The following KIRREL3 variants were observed in gnomAD, a reference collection of about 807,000 sequenced individuals.
KIRREL3 encodes kirre like nephrin family adhesion molecule 3.
A neutral mutation model predicts 89.7 loss-of-function variants in KIRREL3; 36 were observed. The observed-to-expected ratio is 0.40, with a 90% CI of 0.31 to 0.53. The LOEUF is 0.53. Among genes scored for constraint, KIRREL3 ranks in the 20% least tolerant of loss-of-function variants. The probability of loss-of-function intolerance (pLI) is 0.49; values close to 1 mark genes in which losing one functional copy is unlikely to be tolerated. For missense variants in KIRREL3, 864 were observed against 1,056.6 expected, an observed-to-expected ratio of 0.82 and a Z score of 2.53; for synonymous variants, 445 against 441.4, an observed-to-expected ratio of 1.01 and a Z score of -0.10.
rs976250497 is a variant in KIRREL3, at chr11:126,615,402, A to G, written c.56-52490T>C. 2.6e-5 allele frequency among the ~76,000 whole-genome samples: 4 copies of G among 152,178 alleles called. No individual in the cohort carries two copies. The highest frequency in any genetic ancestry group is 2.9e-5 in the Non-Finnish European group (2 of 68,032). On this transcript the variant is annotated intron_variant, in intron 1 of 16. Coordinates refer to ENST00000525144, the MANE Select transcript of KIRREL3 (RefSeq NM_032531.4). The surrounding 1 kb of genome is among the most constrained non-coding windows in gnomAD (Gnocchi z 5.4). Reference sequence around the variant, plus strand: ...CTCTCCTAATGCTTTAGAAGTAAGTATATTTATTACCCCACTCTACAGTTA... The same window carrying G: ...CTCTCCTAATGCTTTAGAAGTAAGTGTATTTATTACCCCACTCTACAGTTA...
rs952458294 is a variant in KIRREL3 at position 126,768,624 on chromosome 11, G to A, written c.56-205712C>T. On this transcript the variant is annotated intron_variant, in intron 1 of 16. Coordinates refer to ENST00000525144, the MANE Select transcript of KIRREL3 (RefSeq NM_032531.4). The surrounding 1 kb of genome is among the most constrained non-coding windows in gnomAD (Gnocchi z 4.5). ...TACTTTGGATGGGGTAGTCAGGATG[G>A]ACTCTTGGAGGATGTGACCTTTGGG... Among the ~76,000 whole-genome samples the A allele has an allele frequency of 2.0e-5, 3 of 152,212 alleles. No individual in the cohort carries two copies. Among genetic ancestry groups the A allele is most frequent in the Non-Finnish European group, 2.9e-5 (2 of 68,040 alleles).
rs1957350596 is a variant in KIRREL3, at chr11:126,486,029, C to T, written c.434-12563G>A. On this transcript the variant is annotated intron_variant, in intron 4 of 16. Coordinates refer to ENST00000525144, the MANE Select transcript of KIRREL3 (RefSeq NM_032531.4). The surrounding 1 kb of genome is among the most constrained non-coding windows in gnomAD (Gnocchi z 6.2). ...TGTCCTGTTTATATTTGGTTAAACC[C>T]TGAAAGAGGGTCTGAGCATCTCAGG... Among the ~76,000 whole-genome samples, 1 of 152,168 alleles carries T rather than the reference C, an allele frequency of 6.6e-6. No individual in the cohort carries two copies. Among genetic ancestry groups the T allele is most frequent in the Non-Finnish European group, 1.5e-5 (1 of 68,018 alleles).
rs1940549431 is a variant in KIRREL3, at chr11:126,566,720, C to G, written c.56-3808G>C. 6.6e-6 allele frequency among the ~76,000 whole-genome samples: 1 copy of G among 152,188 alleles called. No individual in the cohort carries two copies. Among genetic ancestry groups the G allele is most frequent in the South Asian group, 2.1e-4 (1 of 4,830 alleles). On this transcript the variant is annotated intron_variant, in intron 1 of 16. Transcript: ENST00000525144. This position sits in a 1 kb window ranked among gnomAD's most constrained non-coding sequence, Gnocchi z 4.9. ...TCAGAGGGTGCAGATGGGATGTTTT[C>G]TAGCCTTAGAATTCCTTCATTCTTA...
rs1957637247 is a variant in KIRREL3, at chr11:126,495,687, A to G, written c.434-22221T>C. 6.6e-6 allele frequency among the ~76,000 whole-genome samples: 1 copy of G among 152,018 alleles called. No homozygotes were observed. The highest frequency in any genetic ancestry group is 1.5e-5 in the Non-Finnish European group (1 of 68,000). ...CTTATGGTCACAGTCAGGACCATGG[A>G]GGAGGAGGGGCACTCAGAGATTCAC... is the stretch of plus-strand genomic sequence containing the variant. On this transcript the variant is annotated intron_variant, in intron 4 of 16. Transcript: ENST00000525144. This position sits in a 1 kb window ranked among gnomAD's most constrained non-coding sequence, Gnocchi z 6.5.
Position 126,571,595 on chromosome 11 carries a change from T to C in KIRREL3, c.56-8683A>G, listed in dbSNP as rs1479324894. Among the ~76,000 whole-genome samples, 1 of 152,230 alleles carries C rather than the reference T, an allele frequency of 6.6e-6. No individual in the cohort carries two copies. The highest frequency in any genetic ancestry group is 2.4e-5 in the African/African-American group (1 of 41,468). Reference sequence around the variant, plus strand: ...CCTTCTTTATTCCTCATCAAAACTCTATAAGGTAAGTGCTGTTATTATTCC... The same window carrying C: ...CCTTCTTTATTCCTCATCAAAACTCCATAAGGTAAGTGCTGTTATTATTCC... On this transcript the variant is annotated intron_variant, in intron 1 of 16. Coordinates refer to ENST00000525144, the MANE Select transcript of KIRREL3 (RefSeq NM_032531.4). The surrounding 1 kb of genome is among the most constrained non-coding windows in gnomAD (Gnocchi z 7.7).
chr11:126,755,892 G>C lies in KIRREL3; in HGVS notation c.56-192980C>G, dbSNP rs1033279280. ...GAGAGAAAAAACAGAGAGAGAGAGAGAGAGAGAAGACTGAGCTGAGCACCC... is the reference window on the plus strand; with the variant it reads ...GAGAGAAAAAACAGAGAGAGAGAGACAGAGAGAAGACTGAGCTGAGCACCC... On this transcript the variant is annotated intron_variant, in intron 1 of 16. Transcript: ENST00000525144. This position sits in a 1 kb window ranked among gnomAD's most constrained non-coding sequence, Gnocchi z 4.3. 2.0e-5 allele frequency among the ~76,000 whole-genome samples: 3 copies of C among 151,900 alleles called. No homozygotes were observed. The highest frequency in any genetic ancestry group is 2.9e-5 in the Non-Finnish European group (2 of 68,014).
chr11:126,947,233 C>T (rs1948644791), intron 1 of KIRREL3, among the ~76,000 whole-genome samples: 1 of 152,168 alleles, frequency 6.6e-6, no homozygotes, highest in South Asian at 2.1e-4. Flanking sequence ...TTCTCATTTT[C>T]AATTGCCACC....
rs1477407774 is a variant in KIRREL3, at chr11:126,995,252, C to A, written c.55+5203G>T. Reference sequence around the variant, plus strand: ...GATGTCCGCTGGCCTCGAGGCAAGACAAGAGCTCCAATCACTCTGCTGCAA... The same window carrying A: ...GATGTCCGCTGGCCTCGAGGCAAGAAAAGAGCTCCAATCACTCTGCTGCAA... On this transcript the variant is annotated intron_variant, in intron 1 of 16. Transcript: ENST00000525144. This position sits in a 1 kb window ranked among gnomAD's most constrained non-coding sequence, Gnocchi z 6.5. 1 of 456,206 alleles carries A rather than the reference C, an allele frequency of 2.2e-6. No homozygotes were observed. The allele number at this position is 456,206 out of a possible 1,614,324, so 28.3% of individuals were successfully genotyped here.
At position 126,535,673 on chromosome 11, in the gene KIRREL3, C is replaced by T. The variant is rs1937798421; in HGVS notation, c.134-8986G>A. Among the ~76,000 whole-genome samples, 1 of 152,138 alleles carries T rather than the reference C, an allele frequency of 6.6e-6. No individual in the cohort carries two copies. Among genetic ancestry groups the T allele is most frequent in the Non-Finnish European group, 1.5e-5 (1 of 68,036 alleles). On this transcript the variant is annotated intron_variant, in intron 2 of 16. Transcript: ENST00000525144. The surrounding 1 kb of genome is among the most constrained non-coding windows in gnomAD (Gnocchi z 4.5). ...CAGCCAGACATTTGCTGCTTCTATTCCTTATCAAGCACTTAAGATTTTGGT... is the reference window on the plus strand; with the variant it reads ...CAGCCAGACATTTGCTGCTTCTATTTCTTATCAAGCACTTAAGATTTTGGT...
In KIRREL3 at chr11:126,797,349, G is replaced by C. The variant is rs74329181; in HGVS notation, c.55+203106C>G. Among the ~76,000 whole-genome samples the C allele has an allele frequency of 8.5e-5, 13 of 152,188 alleles. No homozygotes were observed. Among genetic ancestry groups the C allele is most frequent in the Admixed American group, 8.5e-4 (13 of 15,290 alleles). ...GCATCAAATGCATCTGATTCTCAGC[G>C]TAATATCTGGCACAGAGAAGCACTG... is the stretch of plus-strand genomic sequence containing the variant. On this transcript the variant is annotated intron_variant, in intron 1 of 16. Coordinates refer to ENST00000525144, the MANE Select transcript of KIRREL3 (RefSeq NM_032531.4). The surrounding 1 kb of genome is among the most constrained non-coding windows in gnomAD (Gnocchi z 4.9).
intron 1 of KIRREL3, among the ~76,000 whole-genome samples, chr11:126,809,249 G>C (rs777067964): frequency 1.3e-5 from 2 of 152,172 alleles, no homozygotes; most frequent in African/African-American, 2.4e-5. Flanking sequence ...AATTGGGCAG[G>C]AGTCTGAAGA....
chr11:126,944,195 C>T (rs1394532033), intron 1 of KIRREL3: 1 of 152,210 alleles, frequency 6.6e-6, no homozygotes, highest in Admixed American at 6.5e-5. Context: ...GTCCATTCCT[C>T]ATCAAGTCTA....
Position 126,844,207 on chromosome 11 carries a change from C to T in KIRREL3, c.55+156248G>A, listed in dbSNP as rs185156118. Among the ~76,000 whole-genome samples the T allele has an allele frequency of 3.9e-3, 596 of 152,070 alleles. 9 individuals are homozygous for T. The highest frequency in any genetic ancestry group is 0.037 in the South Asian group (176 of 4,792). ...TAACTTTGGGTAAGTGGTGGGGGTC[C>T]GGTAACATCTTTCTGGTGACCACAG... On this transcript the variant is annotated intron_variant, in intron 1 of 16. Coordinates refer to ENST00000525144, the MANE Select transcript of KIRREL3 (RefSeq NM_032531.4). This position sits in a 1 kb window ranked among gnomAD's most constrained non-coding sequence, Gnocchi z 4.8.
intron 1 of KIRREL3, among the ~76,000 whole-genome samples, chr11:126,816,843 G>A (rs1372720917): frequency 1.3e-5 from 2 of 152,148 alleles, no homozygotes; most frequent in African/African-American, 4.8e-5. Context: ...GGAAACAAAC[G>A]CAGGGAAGAG....
At chr11:126,819,489 T>C (rs545444604) in intron 1 of KIRREL3, among the ~76,000 whole-genome samples, 14 of 152,334 alleles carry the variant, frequency 9.2e-5, no homozygotes, top group African/African-American at 3.4e-4. Flanking sequence ...TTCCTGCCAT[T>C]TGTCACCGGC....
rs1949825307 is a variant in KIRREL3 at position 126,766,391 on chromosome 11, G to A, written c.56-203479C>T. On this transcript the variant is annotated intron_variant, in intron 1 of 16. Coordinates refer to ENST00000525144, the MANE Select transcript of KIRREL3 (RefSeq NM_032531.4). This position sits in a 1 kb window ranked among gnomAD's most constrained non-coding sequence, Gnocchi z 4.2. ...AGAAGAAAAAACTTGGGGAGAGAGG[G>A]GTAGAGTTAGAATCTTCTGCTATTT... Among the ~76,000 whole-genome samples the A allele has an allele frequency of 6.6e-6, 1 of 152,028 alleles. No individual in the cohort carries two copies. Among genetic ancestry groups the A allele is most frequent in the South Asian group, 2.1e-4 (1 of 4,828 alleles).
chr11:126,533,275 C>A (rs1197012638), intron 2 of KIRREL3, among the ~76,000 whole-genome samples: 1 of 152,226 alleles, frequency 6.6e-6, no homozygotes, highest in Non-Finnish European at 1.5e-5. Context: ...ATGAGCCCAG[C>A]AGTCTGGTTC....
rs568677935 is a variant in KIRREL3, at chr11:126,565,832, G to A, written c.56-2920C>T. On this transcript the variant is annotated intron_variant, in intron 1 of 16. Coordinates refer to ENST00000525144, the MANE Select transcript of KIRREL3 (RefSeq NM_032531.4). This position sits in a 1 kb window ranked among gnomAD's most constrained non-coding sequence, Gnocchi z 5.4. ...AGCTACTAACCACAGAGAGAACCAG[G>A]AGGAAGCAGGAGGCAATTGCTTTGG... Among the ~76,000 whole-genome samples the A allele has an allele frequency of 6.6e-6, 1 of 152,196 alleles. No homozygotes were observed.
chr11:126,912,035 G>A lies in KIRREL3; in HGVS notation c.55+88420C>T, dbSNP rs1179041093. On this transcript the variant is annotated intron_variant, in intron 1 of 16. Transcript: ENST00000525144. This position sits in a 1 kb window ranked among gnomAD's most constrained non-coding sequence, Gnocchi z 4.7. ...CAACTGGGATGACTCAGTAGAGACT[G>A]GGAAGGAAGCCCTGCAGAGAAGCTG... Among the ~76,000 whole-genome samples, 5 of 150,988 alleles carry A rather than the reference G, an allele frequency of 3.3e-5. No individual in the cohort carries two copies. Among genetic ancestry groups the A allele is most frequent in the Non-Finnish European group, 7.4e-5 (5 of 67,848 alleles).
Sources: allele counts gnomAD v4.1 joint callset (sites outside exome capture counted in the v4.1 genomes callset), GRCh38; gene constraint gnomAD v4.1.1; non-coding constraint Gnocchi (gnomAD v3.1); transcripts MANE v1.5; gene names NCBI Gene and HGNC (gene_info 2026-07-23, HGNC 2026-07-21).